The following MYRIP variants were observed in gnomAD, a reference collection of about 807,000 sequenced individuals.
MYRIP encodes myosin VIIA and Rab interacting protein.
A neutral mutation model predicts 98.0 loss-of-function variants in MYRIP; 49 were observed. The observed-to-expected ratio is 0.50, with a 90% CI of 0.40 to 0.63. The LOEUF is 0.63. Ranked by LOEUF, MYRIP falls within the 30% of genes least tolerant of loss-of-function variation. The probability of loss-of-function intolerance (pLI) is 0.00; values close to 1 mark genes in which losing one functional copy is unlikely to be tolerated. For missense variants in MYRIP, 1,004 were observed against 1,058.2 expected, an observed-to-expected ratio of 0.95 and a Z score of 0.71; for synonymous variants, 404 against 409.5, an observed-to-expected ratio of 0.99 and a Z score of 0.16.
chr3:40,208,537 A>G (rs1369022931), intron 10 of MYRIP, among the ~76,000 whole-genome samples: 2 of 152,196 alleles, frequency 1.3e-5, no homozygotes, highest in Admixed American at 6.5e-5. Context: ...GGAGTTTAGG[A>G]GATATTCAGC....
chr3:40,163,921 T>C (rs1000467318), intron 5 of MYRIP, among the ~76,000 whole-genome samples: 3 of 152,152 alleles, frequency 2.0e-5, no homozygotes, highest in Non-Finnish European at 4.4e-5. Flanking sequence ...TACCTGCAGC[T>C]TCTCCATAGG....
At chr3:40,158,942 C>T (rs1950310550) in intron 4 of MYRIP, among the ~76,000 whole-genome samples, 1 of 151,400 alleles carries the variant, frequency 6.6e-6, no homozygotes, top group Admixed American at 6.6e-5. Context: ...GGTCTTGACT[C>T]TATCCAATTT....
At position 39,973,889 on chromosome 3, in the gene MYRIP, G is replaced by T. The variant is rs557839280; in HGVS notation, c.111-70161G>T. Among the ~76,000 whole-genome samples the T allele has an allele frequency of 8.9e-4, 135 of 152,144 alleles. 1 individual carries two copies. The highest frequency in any genetic ancestry group is 1.8e-3 in the Non-Finnish European group (119 of 67,954). On this transcript the variant is annotated intron_variant, in intron 2 of 16. Transcript: ENST00000302541. ...CGCAACGTACCAGAATCTCTGGGAC[G>T]CATTCAAAGCAGTGTGTAGAGGGAA...
intron 3 of MYRIP, among the ~76,000 whole-genome samples, chr3:40,126,763 G>A (rs1185037924): frequency 6.6e-6 from 1 of 152,146 alleles, no homozygotes; most frequent in Non-Finnish European, 1.5e-5. Context: ...TGTATCCAAG[G>A]AACTATTTAG....
At chr3:39,873,818 G>A (rs1161618834) in intron 1 of MYRIP, among the ~76,000 whole-genome samples, 3 of 152,100 alleles carry the variant, frequency 2.0e-5, no homozygotes, top group African/African-American at 7.2e-5. Flanking sequence ...ACTTGGTGAT[G>A]TGGGCCCTTT....
intron 2 of MYRIP, among the ~76,000 whole-genome samples, chr3:40,007,601 A>G (rs1946662527): frequency 6.6e-6 from 1 of 152,238 alleles, no homozygotes; most frequent in Non-Finnish European, 1.5e-5. Flanking sequence ...TGTGCCGAGT[A>G]TCTAATGTGG....
chr3:40,166,821 G>A, intron 5 of MYRIP, 25 bp from the exon 6 acceptor site: 2 of 1,467,698 alleles, frequency 1.4e-6, no homozygotes, highest in Non-Finnish European at 1.9e-6. Context: ...TTTTAGAAAT[G>A]CTCTTTGTTC....
chr3:40,235,832 G>A (rs547683815), intron 12 of MYRIP, among the ~76,000 whole-genome samples: 4 of 152,274 alleles, frequency 2.6e-5, no homozygotes, highest in South Asian at 2.1e-4. Flanking sequence ...GGGGATGAAT[G>A]GGGAAGGTAC....
chr3:39,823,609 G>A (rs186328996), intron 1 of MYRIP, among the ~76,000 whole-genome samples: 1 of 152,252 alleles, frequency 6.6e-6, no homozygotes, highest in East Asian at 1.9e-4. Flanking sequence ...AATTAGTGAT[G>A]TTGAGCATTA....
chr3:40,079,800 A>G (rs1575520632), intron 3 of MYRIP, among the ~76,000 whole-genome samples: 1 of 152,258 alleles, frequency 6.6e-6, no homozygotes, highest in South Asian at 2.1e-4. Flanking sequence ...ACAGCATTGC[A>G]TGAGAGAAGA....
intron 10 of MYRIP, among the ~76,000 whole-genome samples, chr3:40,192,240 C>A (rs1411142636): frequency 7.2e-6 from 1 of 138,428 alleles, no homozygotes; most frequent in Non-Finnish European, 1.5e-5. Context: ...CAGGCATGAG[C>A]CACTGCAACA....
intron 12 of MYRIP, among the ~76,000 whole-genome samples, chr3:40,235,006 A>AAG (rs1553631915): frequency 9.9e-5 from 15 of 151,620 alleles, no homozygotes; most frequent in African/African-American, 3.7e-4. Context: ...AAAAAAAAAA[A>AAG]AAAAAGATAC....
At chr3:39,943,906 A>G (rs1329128648) in intron 2 of MYRIP, among the ~76,000 whole-genome samples, 1 of 152,126 alleles carries the variant, frequency 6.6e-6, no homozygotes, top group African/African-American at 2.4e-5. Flanking sequence ...TTATAGTGGT[A>G]GGGTGTGTTT....
chr3:40,121,824 A>C (rs1305767624), intron 3 of MYRIP, among the ~76,000 whole-genome samples: 1 of 152,240 alleles, frequency 6.6e-6, no homozygotes, highest in Non-Finnish European at 1.5e-5. Context: ...ACAACTTTCA[A>C]GTAAAAAAGG....
chr3:39,895,011 A>G (rs1943571401), intron 1 of MYRIP, among the ~76,000 whole-genome samples: 1 of 152,184 alleles, frequency 6.6e-6, no homozygotes. Context: ...TTGGTTATTA[A>G]TGATATGTGA....
At chr3:40,143,986 T>A (rs1949962196) in intron 3 of MYRIP, among the ~76,000 whole-genome samples, 2 of 152,220 alleles carry the variant, frequency 1.3e-5, no homozygotes, top group South Asian at 2.1e-4. Context: ...CGGAATGCTA[T>A]AGAGTTTTGG....
intron 2 of MYRIP, among the ~76,000 whole-genome samples, chr3:40,030,484 C>T (rs1947234399): frequency 6.6e-6 from 1 of 152,104 alleles, no homozygotes. Context: ...ACCAATTCTA[C>T]TCCTATAATT....
chr3:40,202,902 T>TTTAC (rs56260749), intron 10 of MYRIP, among the ~76,000 whole-genome samples: 22,383 of 139,300 alleles, frequency 0.16, 1,894 homozygotes, highest in African/African-American at 0.21. Flanking sequence ...CTCACCTCCA[T>TTTAC]TTACTTATTT....
chr3:40,174,020 G>T (rs933719922), intron 8 of MYRIP: 3 of 152,102 alleles, frequency 2.0e-5, no homozygotes, highest in African/African-American at 7.2e-5. Flanking sequence ...CATATGTTTT[G>T]AATTTCCATA....
Sources: allele counts gnomAD v4.1 joint callset (sites outside exome capture counted in the v4.1 genomes callset), GRCh38; gene constraint gnomAD v4.1.1; transcripts MANE v1.5; gene names NCBI Gene and HGNC (gene_info 2026-07-23, HGNC 2026-07-21).